Variants in SNX25 observed in about 807,000 individuals in gnomAD.
The protein encoded by SNX25 is sorting nexin 25, also known as sorting nexin-25.
A neutral mutation model predicts 113.7 loss-of-function variants in SNX25; 62 were observed. That is an observed-to-expected ratio of 0.55 (90% confidence interval 0.44 to 0.67). The LOEUF is 0.67. Ranked by LOEUF, SNX25 falls within the 30% of genes least tolerant of loss-of-function variation. The pLI is 0.00. For synonymous variants in SNX25, 421 were observed against 436.2 expected, an observed-to-expected ratio of 0.97 and a Z score of 0.43; for missense variants, 1,014 against 1,161.0, an observed-to-expected ratio of 0.87 and a Z score of 1.84.
intron 1 of SNX25, among the ~76,000 whole-genome samples, chr4:185,215,190 C>T (rs111571659): frequency 0.1 from 15,714 of 151,974 alleles, 883 homozygotes; most frequent in Non-Finnish European, 0.13. Context: ...GATCGTGCCA[C>T]TGCACTCCAG....
chr4:185,355,171 A>G (rs1224031156), intron 15 of SNX25, among the ~76,000 whole-genome samples: 3 of 152,222 alleles, frequency 2.0e-5, no homozygotes, highest in Non-Finnish European at 4.4e-5. Context: ...TGCCTGACCC[A>G]TGGTAGGGGA....
chr4:185,317,421 C>T (rs1388622386), intron 7 of SNX25, among the ~76,000 whole-genome samples: 1 of 152,152 alleles, frequency 6.6e-6, no homozygotes, highest in Non-Finnish European at 1.5e-5. Flanking sequence ...GGTGATTCCT[C>T]AAGGATCTAG....
chr4:185,319,894 A>G (rs1444008554), intron 7 of SNX25, among the ~76,000 whole-genome samples: 2 of 152,214 alleles, frequency 1.3e-5, no homozygotes, highest in Non-Finnish European at 2.9e-5. Flanking sequence ...ATCACTGATC[A>G]TTAGAGAAAT....
upstream of SNX25, among the ~76,000 whole-genome samples, chr4:185,206,647 G>A (rs980145557): frequency 2.0e-5 from 2 of 101,680 alleles, no homozygotes; most frequent in South Asian, 3.4e-4. Context: ...TAACAAGAGC[G>A]AAACTCTTGT....
Position 185,223,225 on chromosome 4 carries a change from C to A in SNX25, c.429+12970C>A, listed in dbSNP as rs187407799. ...TCCTTGCATGTCATTATAGTTTTATCGCTCAAATGTGCATTAGTGAACATA... is the reference window on the plus strand; with the variant it reads ...TCCTTGCATGTCATTATAGTTTTATAGCTCAAATGTGCATTAGTGAACATA... On this transcript the variant is annotated intron_variant, in intron 1 of 18. Coordinates refer to ENST00000652585, the MANE Select transcript of SNX25 (RefSeq NM_001378034.2). 1.8e-3 allele frequency among the ~76,000 whole-genome samples: 278 copies of A among 152,232 alleles called. 3 individuals are homozygous for A. Among genetic ancestry groups the A allele is most frequent in the African/African-American group, 6.3e-3 (262 of 41,532 alleles).
At chr4:185,349,591 G>A (rs1299615906) in intron 13 of SNX25, among the ~76,000 whole-genome samples, 2 of 152,028 alleles carry the variant, frequency 1.3e-5, no homozygotes, top group Non-Finnish European at 1.5e-5. Context: ...CTTTTGTCTG[G>A]TGTGAGATGG....
intron 15 of SNX25, 67 bp downstream of exon 15, chr4:185,353,669 A>G (rs2095326363): frequency 8.8e-7 from 1 of 1,134,482 alleles, no homozygotes; most frequent in Non-Finnish European, 1.3e-6. Context: ...GTACATTCAC[A>G]TGCATTTAAT....
rs1466646128 is a variant in SNX25, at chr4:185,280,883, T to C, written c.1092-7129T>C. On this transcript the variant is annotated intron_variant, in intron 5 of 18. Transcript: ENST00000652585. ...CGACCCAGATGCAGAGCCGCAGTTATGGGGTTTCTGGACTCAGTATATCTA... is the reference window on the plus strand; with the variant it reads ...CGACCCAGATGCAGAGCCGCAGTTACGGGGTTTCTGGACTCAGTATATCTA... 5.9e-5 allele frequency among the ~76,000 whole-genome samples: 9 copies of C among 152,342 alleles called. No individual in the cohort carries two copies. In the South Asian group the frequency reaches 1.9e-3, roughly 32 times the overall value.
chr4:185,265,465 A>G (rs1747931904), intron 4 of SNX25, among the ~76,000 whole-genome samples: 1 of 152,194 alleles, frequency 6.6e-6, no homozygotes, highest in Non-Finnish European at 1.5e-5. Flanking sequence ...TAAAAGATAA[A>G]CAACAGTACA....
chr4:185,373,199 G>C (rs762846871), downstream of SNX25: 71 of 925,996 alleles, frequency 7.7e-5, no homozygotes, highest in Non-Finnish European at 1.1e-4. Flanking sequence ...CTCTAGGAAA[G>C]AGCGGTAGGC....
chr4:185,322,497 G>T (rs2095128378), intron 8 of SNX25, among the ~76,000 whole-genome samples: 1 of 152,184 alleles, frequency 6.6e-6, no homozygotes, highest in African/African-American at 2.4e-5. Flanking sequence ...TATGAATGTT[G>T]CCAGAATAGA....
chr4:185,213,275 T>TTGAGCATC (rs1256260361), intron 1 of SNX25, among the ~76,000 whole-genome samples: 5 of 104,240 alleles, frequency 4.8e-5, no homozygotes, highest in Non-Finnish European at 8.4e-5. Context: ...CTTGTACCTG[T>TTGAGCATC]TGAGCATCTC....
intron 1 of SNX25, among the ~76,000 whole-genome samples, chr4:185,226,835 G>A (rs183792936): frequency 6.6e-6 from 1 of 152,276 alleles, no homozygotes; most frequent in East Asian, 1.9e-4. Context: ...AATCTGCTTA[G>A]CTTTTTAATC....
chr4:185,324,224 A>G (rs1196135441), intron 9 of SNX25, among the ~76,000 whole-genome samples: 1 of 152,214 alleles, frequency 6.6e-6, no homozygotes, highest in East Asian at 1.9e-4. Context: ...GGATGGGGAA[A>G]AAATGAGGAG....
intron 1 of SNX25, among the ~76,000 whole-genome samples, chr4:185,222,773 A>T (rs1439411908): frequency 2.6e-5 from 4 of 152,256 alleles, no homozygotes; most frequent in Non-Finnish European, 5.9e-5. Flanking sequence ...AAGCATAGGC[A>T]TGAAGAGAAT....
chr4:185,277,065 C>T (rs1398261843), intron 5 of SNX25, among the ~76,000 whole-genome samples: 2 of 152,140 alleles, frequency 1.3e-5, no homozygotes, highest in African/African-American at 2.4e-5. Flanking sequence ...CGCTCTGTCA[C>T]CCAGGCTGGA....
At chr4:185,214,778 A>G (rs1738511203) in intron 1 of SNX25, among the ~76,000 whole-genome samples, 1 of 152,212 alleles carries the variant, frequency 6.6e-6, no homozygotes, top group South Asian at 2.1e-4. Flanking sequence ...TTTGTTGTCT[A>G]GTTAGTTGCT....
intron 13 of SNX25, among the ~76,000 whole-genome samples, chr4:185,350,871 G>T (rs567818068): frequency 6.6e-6 from 1 of 150,534 alleles, no homozygotes; most frequent in Non-Finnish European, 1.5e-5. Flanking sequence ...CAAAAAAAAA[G>T]AAAAGAAAAG....
At chr4:185,252,911 G>A (rs539714298) in intron 2 of SNX25, among the ~76,000 whole-genome samples, 1 of 152,320 alleles carries the variant, frequency 6.6e-6, no homozygotes, top group South Asian at 2.1e-4. Flanking sequence ...GCTCTGTTTT[G>A]TTAGCCAGTT....
Sources: allele counts gnomAD v4.1 joint callset (sites outside exome capture counted in the v4.1 genomes callset), GRCh38; gene constraint gnomAD v4.1.1; transcripts MANE v1.5; gene names NCBI Gene and HGNC (gene_info 2026-07-23, HGNC 2026-07-21).